Variants in DNAI4 observed in about 807,000 individuals in gnomAD.
DNAI4 encodes WD repeat domain 78.
DNAI4 carries 85 observed loss-of-function variants against 105.8 expected under a neutral mutation model. The ratio of observed to expected loss-of-function variants is 0.80; its 90% confidence interval spans 0.67 to 0.96. The LOEUF is 0.96. Ranked by LOEUF, DNAI4 falls within the 40% of genes least tolerant of loss-of-function variation. The pLI, the probability that DNAI4 is intolerant of heterozygous loss-of-function variation, is 0.00. For synonymous variants in DNAI4, 352 were observed against 331.5 expected (o/e 1.06, Z -0.67); for missense variants, 1,014 against 1,005.6 (o/e 1.01, Z -0.11).
At chr1:66,859,107 T>C (rs1646568677) in intron 7 of DNAI4, among the ~76,000 whole-genome samples, 1 of 152,120 alleles carries the variant, frequency 6.6e-6, no homozygotes, top group South Asian at 2.1e-4. Flanking sequence ...AAGAACTAAA[T>C]TGTACATAGG....
chr1:66,919,346 C>G (rs1228855356), intron 1 of DNAI4, among the ~76,000 whole-genome samples: 1 of 152,090 alleles, frequency 6.6e-6, no homozygotes. Flanking sequence ...ATAAAATAAT[C>G]TCACATTAAC....
intron 3 of DNAI4, among the ~76,000 whole-genome samples, 178 bp downstream of exon 3, chr1:66,893,051 G>GAA (rs1163491223): frequency 9.6e-5 from 11 of 114,518 alleles, no homozygotes; most frequent in African/African-American, 3.9e-4. Context: ...AAGAAAGAAA[G>GAA]AAAGAGAGAG....
chr1:66,835,730 A>G lies in DNAI4; in HGVS notation c.1629T>C (p.Asp543=), dbSNP rs776244164. 1.2e-6 allele frequency: 2 copies of G among 1,614,152 alleles called. No homozygotes were observed. Among genetic ancestry groups the G allele is most frequent in the South Asian group, 2.2e-5 (2 of 91,084 alleles). Residue 543 remains aspartate (D), a synonymous_variant, in exon 11 of 17, where the codon GAT becomes GAC. Transcript: ENST00000371026. The part of the protein sequence containing the change: ...YQSPYGVTAV[D]FSIGAPNLLA... ...AAAGGTTAGGTGCTCCAATTGAAAAATCCACAGCAGTAACTCCATATGGAC... is the reference window on the plus strand; with the variant it reads ...AAAGGTTAGGTGCTCCAATTGAAAAGTCCACAGCAGTAACTCCATATGGAC...
intron 1 of DNAI4, among the ~76,000 whole-genome samples, chr1:66,908,087 T>C (rs1259463605): frequency 6.6e-6 from 1 of 152,210 alleles, no homozygotes; most frequent in Non-Finnish European, 1.5e-5. Context: ...TCAGCATACT[T>C]GCTGGCAAAA....
chr1:66,879,804 A>G (rs1301629643), intron 4 of DNAI4, among the ~76,000 whole-genome samples: 1 of 152,150 alleles, frequency 6.6e-6, no homozygotes, highest in Non-Finnish European at 1.5e-5. Context: ...TATGCTTATT[A>G]TATGCCATCT....
rs1553233249 is a variant in DNAI4 at position 66,921,892 on chromosome 1, GA to G, written c.170+2769del. On this transcript the variant is annotated intron_variant, in intron 1 of 16. Coordinates refer to ENST00000371026, the MANE Select transcript of DNAI4 (RefSeq NM_024763.5). ...TAAGCAGGTACACAATAAACTTGTA[GA>G]AATTTTTTTTTTTTTTTTTTTGAGG... 1.7e-4 allele frequency among the ~76,000 whole-genome samples: 20 copies of G among 117,842 alleles called. 1 individual carries two copies. The highest frequency in any genetic ancestry group is 2.6e-4 in the East Asian group (1 of 3,912). The allele number at this position is 117,842 out of a possible 152,430, so 77.3% of individuals were successfully genotyped here.
chr1:66,900,133 G>A (rs1387461356), intron 2 of DNAI4, among the ~76,000 whole-genome samples: 2 of 151,928 alleles, frequency 1.3e-5, no homozygotes, highest in Non-Finnish European at 1.5e-5. Context: ...GCAATGGTGC[G>A]ATCTTGGCTT....
intron 3 of DNAI4, among the ~76,000 whole-genome samples, chr1:66,892,961 GAAAGA>G (rs1466939429): frequency 4.3e-5 from 5 of 116,866 alleles, no homozygotes; most frequent in African/African-American, 1.5e-4. Context: ...AAGAAAGAAA[GAAAGA>G]AAGAAAGAAA....
intron 7 of DNAI4, among the ~76,000 whole-genome samples, chr1:66,852,155 C>G (rs1646410946): frequency 6.6e-6 from 1 of 151,390 alleles, no homozygotes; most frequent in African/African-American, 2.4e-5. Context: ...TAAAATAAAC[C>G]AATTACTTAA....
chr1:66,853,286 A>G (rs149677217), intron 7 of DNAI4, among the ~76,000 whole-genome samples: 1 of 152,352 alleles, frequency 6.6e-6, no homozygotes, highest in Non-Finnish European at 1.5e-5. Flanking sequence ...GCTTTCCCAC[A>G]GGTTTATGGA....
At chr1:66,825,341 G>A (rs1038662919) in intron 15 of DNAI4, among the ~76,000 whole-genome samples, 5 of 151,098 alleles carry the variant, frequency 3.3e-5, no homozygotes, top group Admixed American at 2.0e-4. Flanking sequence ...CACCGCGCCC[G>A]GCTAATTTTT....
intron 4 of DNAI4, among the ~76,000 whole-genome samples, chr1:66,876,303 T>C (rs1418130017): frequency 1.3e-5 from 2 of 152,148 alleles, no homozygotes; most frequent in Non-Finnish European, 2.9e-5. Context: ...ATTTTAAGGC[T>C]AGCGATTTAG....
intron 1 of DNAI4, among the ~76,000 whole-genome samples, chr1:66,912,318 A>T (rs923668956): frequency 6.6e-6 from 1 of 152,044 alleles, no homozygotes; most frequent in Non-Finnish European, 1.5e-5. Flanking sequence ...AAAAAAAAAA[A>T]ATTAGCTGAG....
intron 4 of DNAI4, among the ~76,000 whole-genome samples, chr1:66,882,879 C>CA (rs1455399794): frequency 6.6e-6 from 1 of 152,060 alleles, no homozygotes; most frequent in East Asian, 1.9e-4. Flanking sequence ...CATCGAATTA[C>CA]AAATAACTGA....
intron 1 of DNAI4, among the ~76,000 whole-genome samples, chr1:66,917,759 C>A (rs1357638516): frequency 6.6e-6 from 1 of 152,224 alleles, no homozygotes; most frequent in Non-Finnish European, 1.5e-5. Flanking sequence ...TATGGTAATA[C>A]AGTCATTTGC....
rs114509197 is a variant in DNAI4 at position 66,846,404 on chromosome 1, G to A, written c.1291+1080C>T. The stretch of plus-strand genomic sequence containing the variant: ...AAGAATCAAGATAAATTTCATAAAG[G>A]AAGTTTCCTTAATCCATCTTTGAAA... On this transcript the variant is annotated intron_variant, in intron 8 of 16. Coordinates refer to ENST00000371026, the MANE Select transcript of DNAI4 (RefSeq NM_024763.5). Among the ~76,000 whole-genome samples, 1,458 of 152,152 alleles carry A rather than the reference G, an allele frequency of 9.6e-3. 11 individuals are homozygous for A. Among genetic ancestry groups the A allele is most frequent in the African/African-American group, 0.033 (1,377 of 41,512 alleles).
chr1:66,909,472 T>A (rs1557982268), intron 1 of DNAI4, among the ~76,000 whole-genome samples: 1 of 151,952 alleles, frequency 6.6e-6, no homozygotes, highest in Non-Finnish European at 1.5e-5. Flanking sequence ...TTGACCCAGC[T>A]GTTTATTCTT....
chr1:66,836,319 AGAAAGAAG>A (rs1339111926), intron 10 of DNAI4, among the ~76,000 whole-genome samples: 114 of 118,488 alleles, frequency 9.6e-4, no homozygotes, highest in African/African-American at 2.6e-3. Context: ...AAAGAAAGAA[AGAAAGAAG>A]GAAAGAGGGA....
intron 13 of DNAI4, among the ~76,000 whole-genome samples, chr1:66,830,792 A>T (rs1193958189): frequency 6.6e-6 from 1 of 150,790 alleles, no homozygotes; most frequent in East Asian, 1.9e-4. Context: ...AAAAAAAATA[A>T]ATAAATAAAT....
Sources: allele counts gnomAD v4.1 joint callset (sites outside exome capture counted in the v4.1 genomes callset), GRCh38; gene constraint gnomAD v4.1.1; transcripts MANE v1.5; gene names NCBI Gene and HGNC (gene_info 2026-07-23, HGNC 2026-07-21).